Variants in RUNDC3B observed in about 807,000 individuals in gnomAD.
The protein encoded by RUNDC3B is RUN domain containing 3B.
RUNDC3B carries 33 observed loss-of-function variants against 58.4 expected under a neutral mutation model. The observed-to-expected ratio is 0.56, with a 90% CI of 0.43 to 0.75. The LOEUF (loss-of-function observed/expected upper bound fraction) is 0.75. Among genes scored for constraint, RUNDC3B ranks in the 30% least tolerant of loss-of-function variants. The pLI is 0.00. For synonymous variants in RUNDC3B, 193 were observed against 195.2 expected, an observed-to-expected ratio of 0.99 and a Z score of 0.10; for missense variants, 501 against 535.7, an observed-to-expected ratio of 0.94 and a Z score of 0.64.
chr7:87,744,589 G>C (rs961399732), intron 6 of RUNDC3B, among the ~76,000 whole-genome samples: 4 of 152,108 alleles, frequency 2.6e-5, no homozygotes, highest in African/African-American at 9.7e-5. Context: ...TATTGTAAAA[G>C]GGATTGAGTT....
At chr7:87,642,741 T>C (rs193121524) in intron 1 of RUNDC3B, among the ~76,000 whole-genome samples, 9 of 152,220 alleles carry the variant, frequency 5.9e-5, no homozygotes, top group African/African-American at 1.7e-4. Context: ...TCTAACGTTA[T>C]TTTTTATGTT....
intron 8 of RUNDC3B, among the ~76,000 whole-genome samples, chr7:87,794,311 TG>T: frequency 6.6e-6 from 1 of 152,298 alleles, no homozygotes; most frequent in East Asian, 1.9e-4. Flanking sequence ...GGCACATGCC[TG>T]TAGTCCTAGC....
intron 3 of RUNDC3B, among the ~76,000 whole-genome samples, chr7:87,701,699 A>G (rs1366973365): frequency 3.9e-5 from 6 of 152,232 alleles, no homozygotes; most frequent in African/African-American, 1.4e-4. Context: ...TGAAAAGACT[A>G]TTAAAAGATT....
At chr7:87,639,083 C>A (rs189999777) in intron 1 of RUNDC3B, among the ~76,000 whole-genome samples, 2 of 132,454 alleles carry the variant, frequency 1.5e-5, no homozygotes, top group Non-Finnish European at 3.1e-5. Context: ...ACCCCGGAGG[C>A]GGAGCTTGCA....
At chr7:87,732,916 A>G (rs768802542) in intron 4 of RUNDC3B, among the ~76,000 whole-genome samples, 1 of 152,204 alleles carries the variant, frequency 6.6e-6, no homozygotes, top group Non-Finnish European at 1.5e-5. Flanking sequence ...ACAGAAACAC[A>G]ATCTTTCCAT....
At chr7:87,744,474 A>C (rs1832531485) in intron 6 of RUNDC3B, among the ~76,000 whole-genome samples, 1 of 152,082 alleles carries the variant, frequency 6.6e-6, no homozygotes, top group African/African-American at 2.4e-5. Context: ...TGTTCATGTA[A>C]TCTGTGATTT....
intron 6 of RUNDC3B, among the ~76,000 whole-genome samples, chr7:87,744,107 A>G (rs1832509095): frequency 6.6e-6 from 1 of 152,138 alleles, no homozygotes; most frequent in Admixed American, 6.5e-5. Context: ...GCTTTGTCGT[A>G]GATCAGTTGG....
chr7:87,683,624 A>G (rs1000643201), intron 2 of RUNDC3B, among the ~76,000 whole-genome samples: 10 of 152,328 alleles, frequency 6.6e-5, no homozygotes, highest in African/African-American at 1.9e-4. Flanking sequence ...TTGCCATTTT[A>G]TACAGGTGTG....
intron 4 of RUNDC3B, among the ~76,000 whole-genome samples, chr7:87,719,607 G>T (rs1830748279): frequency 6.6e-6 from 1 of 151,698 alleles, no homozygotes; most frequent in African/African-American, 2.4e-5. Flanking sequence ...CTGTGCATTG[G>T]TGCATGCAGA....
chr7:87,734,428 G>A (rs1158864096), intron 4 of RUNDC3B, among the ~76,000 whole-genome samples: 1 of 152,102 alleles, frequency 6.6e-6, no homozygotes, highest in Non-Finnish European at 1.5e-5. Context: ...AGACCAGGTA[G>A]CATATGATTC....
At chr7:87,820,657 G>A (rs1398474554) in intron 10 of RUNDC3B, among the ~76,000 whole-genome samples, 4 of 152,026 alleles carry the variant, frequency 2.6e-5, no homozygotes, top group African/African-American at 4.8e-5. Context: ...CTAGCAAACC[G>A]AATCCAGCAG....
intron 6 of RUNDC3B, among the ~76,000 whole-genome samples, chr7:87,744,839 T>G (rs1235907013): frequency 6.6e-6 from 1 of 152,200 alleles, no homozygotes; most frequent in Non-Finnish European, 1.5e-5. Context: ...TAGCTAGGAC[T>G]TCCAGTACTA....
At chr7:87,785,948 C>T (rs114309464) in intron 8 of RUNDC3B, among the ~76,000 whole-genome samples, 125 of 152,280 alleles carry the variant, frequency 8.2e-4, no homozygotes, top group African/African-American at 3.0e-3. Flanking sequence ...TTCACTCCCC[C>T]CTTGCTTTGG....
At chr7:87,683,922 T>G (rs1301213447) in intron 2 of RUNDC3B, among the ~76,000 whole-genome samples, 1 of 152,198 alleles carries the variant, frequency 6.6e-6, no homozygotes, top group African/African-American at 2.4e-5. Flanking sequence ...GTACACCTCA[T>G]GGACACAGAC....
intron 2 of RUNDC3B, among the ~76,000 whole-genome samples, chr7:87,679,679 T>C (rs1229792842): frequency 6.6e-6 from 1 of 150,446 alleles, no homozygotes; most frequent in Non-Finnish European, 1.5e-5. Context: ...TGTGAACCAC[T>C]GTGCCTGGCC....
At chr7:87,729,979 C>G (rs1831482144) in intron 4 of RUNDC3B, among the ~76,000 whole-genome samples, 1 of 152,184 alleles carries the variant, frequency 6.6e-6, no homozygotes, top group Non-Finnish European at 1.5e-5. Flanking sequence ...CAGCCTGGGC[C>G]AGAAGGGTAC....
chr7:87,666,758 T>G (rs1428753561), intron 2 of RUNDC3B, among the ~76,000 whole-genome samples: 1 of 152,174 alleles, frequency 6.6e-6, no homozygotes, highest in East Asian at 1.9e-4. Flanking sequence ...TTTTCCCCAT[T>G]GCTTGTTTTT....
chr7:87,773,681 G>GTTTTGTTTTGTT (rs1481000762), intron 7 of RUNDC3B, among the ~76,000 whole-genome samples: 2 of 151,464 alleles, frequency 1.3e-5, no homozygotes, highest in East Asian at 3.9e-4. Flanking sequence ...GTTTTGTTTT[G>GTTTTGTTTTGTT]TTTTGTTTTG....
intron 4 of RUNDC3B, among the ~76,000 whole-genome samples, chr7:87,728,976 G>A (rs1351300220): frequency 6.6e-6 from 1 of 151,922 alleles, no homozygotes; most frequent in Non-Finnish European, 1.5e-5. Context: ...CATGAGGGCT[G>A]TTTTTCACCA....
Sources: allele counts gnomAD v4.1 joint callset (sites outside exome capture counted in the v4.1 genomes callset), GRCh38; gene constraint gnomAD v4.1.1; transcripts MANE v1.5; gene names NCBI Gene and HGNC (gene_info 2026-07-23, HGNC 2026-07-21).